The following TTC7B variants were observed in gnomAD, a reference collection of about 807,000 sequenced individuals.
TTC7B encodes tetratricopeptide repeat protein 7B.
A neutral mutation model predicts 106.8 loss-of-function variants in TTC7B; 28 were observed. The ratio of observed to expected loss-of-function variants is 0.26; its 90% CI spans 0.19 to 0.36. The LOEUF (loss-of-function observed/expected upper bound fraction) is 0.36, where lower values mean the gene tolerates loss of function less well. Among genes scored for constraint, TTC7B ranks in the 10% least tolerant of loss-of-function variants. TTC7B has a pLI of 1.00. For missense variants in TTC7B, 862 were observed against 1,076.4 expected (o/e 0.80, Z 2.79); for synonymous variants, 405 against 430.6 (o/e 0.94, Z 0.74).
Position 90,786,824 on chromosome 14 carries a change from G to A in TTC7B, c.122-496C>T, listed in dbSNP as rs570290012. Among the ~76,000 whole-genome samples, 118 of 152,096 alleles carry A rather than the reference G, an allele frequency of 7.8e-4. 1 individual carries two copies. The highest frequency in any genetic ancestry group is 2.2e-3 in the African/African-American group (93 of 41,488). ...TCAAACTCCTGACCTCAGGTGATCCGCCCACCTCGACCTCCAAAAGTGCTG... is the reference window on the plus strand; with the variant it reads ...TCAAACTCCTGACCTCAGGTGATCCACCCACCTCGACCTCCAAAAGTGCTG... On this transcript the variant is annotated intron_variant, in intron 1 of 19. Transcript: ENST00000328459.
chr14:90,680,842 A>G (rs1438992526), intron 7 of TTC7B, among the ~76,000 whole-genome samples: 1 of 152,236 alleles, frequency 6.6e-6, no homozygotes, highest in Non-Finnish European at 1.5e-5. Flanking sequence ...CATTATCTAA[A>G]TAATACAAGC....
chr14:90,550,428 T>A (rs1890027666), intron 19 of TTC7B, among the ~76,000 whole-genome samples: 1 of 152,172 alleles, frequency 6.6e-6, no homozygotes, highest in Non-Finnish European at 1.5e-5. Context: ...TATTCATAGC[T>A]CCTCCTATAA....
At chr14:90,678,538 C>T (rs1166231248) in intron 8 of TTC7B, among the ~76,000 whole-genome samples, 1 of 152,196 alleles carries the variant, frequency 6.6e-6, no homozygotes, top group African/African-American at 2.4e-5. Flanking sequence ...TTTCTACCTA[C>T]ATTTTCTGAA....
At chr14:90,746,514 C>G (rs1003394435) in intron 3 of TTC7B, among the ~76,000 whole-genome samples, 2 of 152,052 alleles carry the variant, frequency 1.3e-5, no homozygotes, top group African/African-American at 4.8e-5. Flanking sequence ...GTAAAGATTC[C>G]TTGATTTCAT....
intron 15 of TTC7B, among the ~76,000 whole-genome samples, chr14:90,627,858 A>G (rs1690652136): frequency 6.6e-6 from 1 of 152,062 alleles, no homozygotes; most frequent in South Asian, 2.1e-4. Context: ...ATTAATCTCC[A>G]CTCAGATTGG....
intron 19 of TTC7B, among the ~76,000 whole-genome samples, chr14:90,548,447 C>A (rs1310012420): frequency 3.9e-5 from 6 of 152,248 alleles, no homozygotes; most frequent in Admixed American, 3.3e-4. Context: ...TCATGGATCA[C>A]CAGGCTCTAT....
intron 2 of TTC7B, 70 bp downstream of exon 2, chr14:90,786,104 A>T: frequency 6.9e-7 from 1 of 1,458,250 alleles, no homozygotes. Flanking sequence ...ACCCGGCTCA[A>T]CCCTGGGCAC....
At chr14:90,673,002 T>C (rs1055115250) in intron 9 of TTC7B, among the ~76,000 whole-genome samples, 7 of 152,220 alleles carry the variant, frequency 4.6e-5, no homozygotes, top group African/African-American at 1.2e-4. Flanking sequence ...GTTAATGATG[T>C]GCCTAGGCTC....
At chr14:90,661,102 G>A (rs1259424987) in intron 9 of TTC7B, among the ~76,000 whole-genome samples, 1 of 152,262 alleles carries the variant, frequency 6.6e-6, no homozygotes, top group Non-Finnish European at 1.5e-5. Context: ...GGAACACTGA[G>A]CAGAAAGAGA....
chr14:90,760,803 C>G (rs1566874681), intron 3 of TTC7B, among the ~76,000 whole-genome samples: 1 of 152,208 alleles, frequency 6.6e-6, no homozygotes, highest in African/African-American at 2.4e-5. Context: ...TGCACCTATA[C>G]GCAGACCTAT....
Position 90,527,988 on chromosome 14 carries a change from C to T in TTC7B, c.*13380G>A, listed in dbSNP as rs1443306617. 6.6e-6 allele frequency: 1 copy of T among 151,950 alleles called. No homozygotes were observed. The highest frequency in any genetic ancestry group is 2.4e-5 in the African/African-American group (1 of 41,408). The allele number at this position is 151,950 out of a possible 1,614,324, so 9.4% of individuals were successfully genotyped here. A position where few individuals can be genotyped will look rare whatever the true frequency, so the allele number is the denominator to read the frequency against. On this transcript the variant is annotated 3_prime_UTR_variant, in exon 20 of 20. Coordinates refer to ENST00000328459, the MANE Select transcript of TTC7B (RefSeq NM_001010854.2). ...GGATCACTTGGAAGGATGTCTTGAT[C>T]CAGAGTAAAGGCTCCATAGGCATTT...
intron 8 of TTC7B, 122 bp from the exon 9 acceptor site, chr14:90,676,782 G>C: frequency 1.0e-6 from 1 of 999,566 alleles, no homozygotes; most frequent in Non-Finnish European, 1.5e-6. Flanking sequence ...GGGTAGGAAT[G>C]AGCAGAGGCC....
chr14:90,559,693 T>C (rs1890485882), intron 19 of TTC7B, among the ~76,000 whole-genome samples: 1 of 152,160 alleles, frequency 6.6e-6, no homozygotes, highest in African/African-American at 2.4e-5. Context: ...CCACTCTGTT[T>C]TGGGAGAAGG....
In TTC7B at chr14:90,719,130, G is replaced by C. The variant is rs548151777; in HGVS notation, c.698+10945C>G. Among the ~76,000 whole-genome samples the C allele has an allele frequency of 3.9e-5, 6 of 152,136 alleles. No homozygotes were observed. In the South Asian group the frequency reaches 1.2e-3, roughly 32 times the overall value. On this transcript the variant is annotated intron_variant, in intron 5 of 19. Transcript: ENST00000328459. ...CAAACAAACAAAAAAACAAAAATTA[G>C]CTGGGCCTGGTGGCACGCACCTGCA...
At chr14:90,598,647 T>C (rs1258033024) in intron 17 of TTC7B, among the ~76,000 whole-genome samples, 3 of 152,220 alleles carry the variant, frequency 2.0e-5, no homozygotes, top group Non-Finnish European at 1.5e-5. Flanking sequence ...CTGAGGGCTG[T>C]TGAGAAACCC....
Position 90,547,166 on chromosome 14 carries a change from T to C in TTC7B, c.2311-5577A>G, listed in dbSNP as rs575633958. Among the ~76,000 whole-genome samples the C allele has an allele frequency of 4.6e-5, 7 of 152,328 alleles. 1 individual carries two copies. The highest frequency in any genetic ancestry group is 1.4e-4 in the African/African-American group (6 of 41,574). On this transcript the variant is annotated intron_variant, in intron 19 of 19. Coordinates refer to ENST00000328459, the MANE Select transcript of TTC7B (RefSeq NM_001010854.2). ...ATTAGTCCCTTTCTTCAGACATAGA[T>C]GAAGGCTGCCTCCCAAGCTGGTAAT...
intron 17 of TTC7B, among the ~76,000 whole-genome samples, chr14:90,596,991 C>T (rs371758103): frequency 2.6e-5 from 4 of 152,210 alleles, no homozygotes; most frequent in Non-Finnish European, 5.9e-5. Context: ...GTGCAGTGCT[C>T]ATCACTTCCA....
chr14:90,711,875 C>T (rs1441511607), intron 5 of TTC7B, among the ~76,000 whole-genome samples: 5 of 151,572 alleles, frequency 3.3e-5, no homozygotes, highest in Admixed American at 1.3e-4. Context: ...AAACAAAGGG[C>T]AAAAATAGTA....
At chr14:90,791,158 AC>A (rs1049987897) in intron 1 of TTC7B, among the ~76,000 whole-genome samples, 2 of 152,086 alleles carry the variant, frequency 1.3e-5, no homozygotes, top group African/African-American at 4.8e-5. Context: ...TCCTGAGGAC[AC>A]CATTCACCGC....
Sources: allele counts gnomAD v4.1 joint callset (sites outside exome capture counted in the v4.1 genomes callset), GRCh38; gene constraint gnomAD v4.1.1; transcripts MANE v1.5; gene names NCBI Gene and HGNC (gene_info 2026-07-23, HGNC 2026-07-21).